RBM26: variants seen among roughly 807,000 people sequenced by gnomAD.
RBM26 encodes RNA-binding protein 26.
In RBM26, 30 loss-of-function variants were observed where a neutral mutation model predicts 123.6. The ratio of observed to expected loss-of-function variants is 0.24; its 90% CI spans 0.18 to 0.33. RBM26 has a LOEUF of 0.33. RBM26 is among the 10% of genes least tolerant of loss of function. RBM26 has a pLI of 1.00. For synonymous variants in RBM26, 400 were observed against 404.4 expected, an observed-to-expected ratio of 0.99 and a Z score of 0.13; for missense variants, 947 against 1,203.6, an observed-to-expected ratio of 0.79 and a Z score of 3.15.
intron 20 of RBM26, among the ~76,000 whole-genome samples, chr13:79,327,405 T>C (rs778916365): frequency 1.4e-4 from 22 of 152,004 alleles, no homozygotes; most frequent in African/African-American, 2.4e-4. Context: ...CTGAAAATAC[T>C]AGAAGCATTT....
chr13:79,345,052 A>G (rs958456059), intron 14 of RBM26, among the ~76,000 whole-genome samples: 1 of 152,158 alleles, frequency 6.6e-6, no homozygotes, highest in Non-Finnish European at 1.5e-5. Context: ...GAAAATGTCA[A>G]AAAGAAAAAC....
At position 79,320,142 on chromosome 13, in the gene RBM26, C is replaced by T. The variant is rs2067521223; in HGVS notation, c.*479G>A. ...ACAAAAGGCTAATACATAGTAAAGCCTAAGCATACTACTATGTAATATTAT... is the reference window on the plus strand; with the variant it reads ...ACAAAAGGCTAATACATAGTAAAGCTTAAGCATACTACTATGTAATATTAT... On this transcript the variant is annotated 3_prime_UTR_variant, in exon 22 of 22. Transcript: ENST00000438737. The T allele has an allele frequency of 2.1e-6, 2 of 957,522 alleles. No individual in the cohort carries two copies. The highest frequency in any genetic ancestry group is 2.5e-6 in the Non-Finnish European group (2 of 805,026). The allele number at this position is 957,522 out of a possible 1,614,324, so 59.3% of individuals were successfully genotyped here. A position where few individuals can be genotyped will look rare whatever the true frequency, so the allele number is the denominator to read the frequency against.
chr13:79,341,935 G>A (rs1332932252), intron 17 of RBM26, among the ~76,000 whole-genome samples: 5 of 151,736 alleles, frequency 3.3e-5, no homozygotes, highest in African/African-American at 9.7e-5. Flanking sequence ...GGAATACACC[G>A]AGGCTGTAAA....
chr13:79,344,651 T>C lies in RBM26; in HGVS notation c.2184+18A>G. 6.3e-7 allele frequency: 1 copy of C among 1,599,988 alleles called. No homozygotes were observed. The highest frequency in any genetic ancestry group is 8.5e-7 in the Non-Finnish European group (1 of 1,175,030). ...TCCTATATGCAAAAATTTTTTATACTATACCAGTTGTACTTACCTGTTTTT... is the reference window on the plus strand; with the variant it reads ...TCCTATATGCAAAAATTTTTTATACCATACCAGTTGTACTTACCTGTTTTT... On this transcript the variant is annotated intron_variant, in intron 15 of 21. Coordinates refer to ENST00000438737, the MANE Select transcript of RBM26 (RefSeq NM_001366735.2).
At chr13:79,370,768 ATTT>A (rs752518433) in intron 5 of RBM26, among the ~76,000 whole-genome samples, 174 bp downstream of exon 5, 3 of 152,234 alleles carry the variant, frequency 2.0e-5, no homozygotes, top group Non-Finnish European at 2.9e-5. Context: ...GGTAACTGTG[ATTT>A]TAATTTGCAA....
intron 1 of RBM26, among the ~76,000 whole-genome samples, chr13:79,397,101 A>T (rs1030800014): frequency 1.1e-4 from 16 of 152,212 alleles, no homozygotes; most frequent in African/African-American, 3.6e-4. Flanking sequence ...GAATCGTTTG[A>T]ACCTGGGAGG....
At chr13:79,376,435 G>C (rs1264683714) in intron 3 of RBM26, 1 of 152,218 alleles carries the variant, frequency 6.6e-6, no homozygotes, top group Admixed American at 6.6e-5. Context: ...CTGGGCTCAA[G>C]TGAGCCTCCT....
At position 79,371,935 on chromosome 13, in the gene RBM26, T is replaced by TAA; in HGVS notation, c.328-6_328-5insTT. The TAA allele has an allele frequency of 6.7e-7, 1 of 1,490,914 alleles. No homozygotes were observed. Among genetic ancestry groups the TAA allele is most frequent in the Non-Finnish European group, 9.0e-7 (1 of 1,105,546 alleles). 92.4% of individuals were successfully genotyped at this position (1,490,914 alleles called of 1,614,324 possible). On this transcript the variant is annotated splice_polypyrimidine_tract_variant and splice_region_variant and intron_variant, in intron 3 of 21. Transcript: ENST00000438737. ...TCGCTCTTCCTCCTTAGTGATCTGA[T>TAA]TAAAAAAAAAAAAAAAAGTGTACAA... is the stretch of plus-strand genomic sequence containing the variant.
rs371673779 is a variant in RBM26 at position 79,366,688 on chromosome 13, G to A, written c.1080C>T (p.Leu360=). The A allele has an allele frequency of 3.7e-6, 6 of 1,602,492 alleles. No homozygotes were observed. The highest frequency in any genetic ancestry group is 2.7e-5 in the African/African-American group (2 of 74,424). Residue 360 remains leucine, a synonymous_variant, in exon 7 of 22, where the codon CTC becomes CTT. Transcript: ENST00000438737. ...GACCTGGCGGTGGTACTGGGGGCCT[G>A]AGATTCACAGGTGGGGGTGTAAGAA... ...PPILTPPPVN[L]RPPVPPPGPL... is the part of the protein sequence containing the mutation.
chr13:79,338,699 A>G (rs2070872820), intron 18 of RBM26, among the ~76,000 whole-genome samples: 1 of 152,214 alleles, frequency 6.6e-6, no homozygotes. Flanking sequence ...GCTGAAGAGG[A>G]TATTCTGGCT....
chr13:79,369,316 C>A (rs539282412), intron 5 of RBM26, among the ~76,000 whole-genome samples: 5 of 152,042 alleles, frequency 3.3e-5, no homozygotes, highest in Non-Finnish European at 5.9e-5. Flanking sequence ...ACAAAACATG[C>A]AATAAAGTAT....
chr13:79,331,511 C>T (rs2765079), intron 20 of RBM26, among the ~76,000 whole-genome samples: 1 of 149,934 alleles, frequency 6.7e-6, no homozygotes, highest in Non-Finnish European at 1.5e-5. Context: ...GCAGGCACCT[C>T]TAGTCCCAGC....
intron 21 of RBM26, among the ~76,000 whole-genome samples, chr13:79,321,951 A>G (rs1429829224): frequency 6.6e-6 from 1 of 151,426 alleles, no homozygotes; most frequent in Non-Finnish European, 1.5e-5. Flanking sequence ...AGTATCTACC[A>G]TATAACAGGC....
chr13:79,401,478 G>A (rs2079047186), intron 1 of RBM26, among the ~76,000 whole-genome samples: 1 of 152,168 alleles, frequency 6.6e-6, no homozygotes, highest in Non-Finnish European at 1.5e-5. Flanking sequence ...TCATGCTTCA[G>A]TGCCTCAGTA....
intron 1 of RBM26, among the ~76,000 whole-genome samples, chr13:79,396,918 A>G (rs572018713): frequency 5.3e-5 from 8 of 152,244 alleles, no homozygotes; most frequent in Admixed American, 2.6e-4. Flanking sequence ...ACAATGGCTC[A>G]TGCCAGTAAT....
chr13:79,357,555 A>C (rs1015501842), intron 11 of RBM26, among the ~76,000 whole-genome samples: 1 of 152,154 alleles, frequency 6.6e-6, no homozygotes, highest in Non-Finnish European at 1.5e-5. Flanking sequence ...AGAATATTCA[A>C]AAGTGGTAAA....
At chr13:79,381,432 C>A (rs2077062141) in intron 1 of RBM26, among the ~76,000 whole-genome samples, 1 of 7,580 alleles carries the variant, frequency 1.3e-4, no homozygotes, top group South Asian at 0.017. Context: ...CATTATGATA[C>A]ATAATAATAT....
chr13:79,405,720 T>C lies in RBM26; in HGVS notation c.55A>G (p.Lys19Glu). ...NFEALKSWLS[K>E]TLEPICDADP... Reference sequence around the variant, plus strand: ...GATACTCACATGGGCTCGAGAGTCTTGCTGAGCCAGGACTTGAGTGCCTCG... The same window carrying C: ...GATACTCACATGGGCTCGAGAGTCTCGCTGAGCCAGGACTTGAGTGCCTCG... Residue 19 changes from lysine (K) to glutamate (E), a missense_variant, in exon 1 of 22, where the codon AAG (lysine) becomes GAG (glutamate). By Grantham distance (56) the Lys-to-Glu change is moderately conservative (BLOSUM62 1). Around this residue, in one of 5 missense-constraint regions of RBM26, gnomAD observed 275 missense variants for 361.0 expected, o/e 0.76. Transcript: ENST00000438737. 1 of 1,599,514 alleles carries C rather than the reference T, an allele frequency of 6.3e-7. No individual in the cohort carries two copies. Among genetic ancestry groups the C allele is most frequent in the Non-Finnish European group, 8.5e-7 (1 of 1,172,318 alleles).
At chr13:79,362,906 A>G (rs988010697) in intron 9 of RBM26, among the ~76,000 whole-genome samples, 1 of 152,184 alleles carries the variant, frequency 6.6e-6, no homozygotes. Flanking sequence ...TACTCAGCAA[A>G]TGATCTAATA....
Sources: gnomAD v4.1 joint callset for allele counts (sites outside exome capture counted in the v4.1 genomes callset) on GRCh38, gnomAD v4.1.1 for gene constraint, gnomAD v4.1.1 regional missense constraint, MANE v1.5 for transcripts, NCBI Gene and HGNC (gene_info 2026-07-23, HGNC 2026-07-21) for gene names.